The following MTSS1 variants were observed in gnomAD, a reference collection of about 807,000 sequenced individuals.
MTSS1 encodes the protein protein MTSS 1.
In MTSS1, 18 loss-of-function variants were observed where a neutral mutation model predicts 79.0. That is an observed-to-expected ratio of 0.23 (90% CI 0.16 to 0.34). The LOEUF (loss-of-function observed/expected upper bound fraction) is 0.34, where lower values mean the gene tolerates loss of function less well. Ranked by LOEUF, MTSS1 falls within the 10% of genes least tolerant of loss-of-function variation. MTSS1 has a pLI of 1.00. For missense variants in MTSS1, 815 were observed against 986.2 expected, an observed-to-expected ratio of 0.83 and a Z score of 2.33; for synonymous variants, 341 against 368.6, an observed-to-expected ratio of 0.93 and a Z score of 0.86.
intron 3 of MTSS1, among the ~76,000 whole-genome samples, chr8:124,684,760 C>G (rs1008361572): frequency 1.3e-5 from 2 of 152,088 alleles, no homozygotes; most frequent in African/African-American, 4.8e-5. Flanking sequence ...TATGGAGATG[C>G]TGGTAGATAA....
intron 3 of MTSS1, among the ~76,000 whole-genome samples, chr8:124,653,543 G>C (rs1386794108): frequency 6.6e-6 from 1 of 152,102 alleles, no homozygotes. Context: ...GACCAACATG[G>C]TGAAACCCCA....
chr8:124,686,301 T>C (rs1334646357), intron 3 of MTSS1, among the ~76,000 whole-genome samples: 1 of 151,844 alleles, frequency 6.6e-6, no homozygotes, highest in Non-Finnish European at 1.5e-5. Context: ...TTCACCCCAT[T>C]CCTATTCTCA....
chr8:124,712,179 A>G (rs1480775595), intron 1 of MTSS1, among the ~76,000 whole-genome samples: 1 of 152,134 alleles, frequency 6.6e-6, no homozygotes, highest in African/African-American at 2.4e-5. Flanking sequence ...TTCTTCTACC[A>G]GGAGATCAGT....
intron 6 of MTSS1, among the ~76,000 whole-genome samples, chr8:124,581,181 C>A (rs1279056905): frequency 6.6e-6 from 1 of 150,926 alleles, no homozygotes; most frequent in Non-Finnish European, 1.5e-5. Context: ...CTGCTGGGCG[C>A]AGTGGTGTGT....
At chr8:124,682,205 A>G (rs1826233543) in intron 3 of MTSS1, among the ~76,000 whole-genome samples, 1 of 149,030 alleles carries the variant, frequency 6.7e-6, no homozygotes, top group Admixed American at 6.8e-5. Flanking sequence ...ATTTTACGCT[A>G]AAGCCATTTT....
intron 5 of MTSS1, among the ~76,000 whole-genome samples, chr8:124,589,077 C>T (rs1217755016): frequency 6.6e-6 from 1 of 151,906 alleles, no homozygotes; most frequent in Non-Finnish European, 1.5e-5. Flanking sequence ...GTCGTCCAGG[C>T]TGGAGTACAA....
rs565486726 is a variant in MTSS1, at chr8:124,609,211, G to T, written c.209-17976C>A. 1.7e-4 allele frequency among the ~76,000 whole-genome samples: 26 copies of T among 152,300 alleles called. No homozygotes were observed. In the Middle Eastern group the frequency reaches 0.014, roughly 80 times the overall value. On this transcript the variant is annotated intron_variant, in intron 3 of 13. Transcript: ENST00000518547. ...CAGTTGCACCACTAAAGGACACAGG[G>T]TCTGCTGCTGGGACAGTCTCCTGCT...
chr8:124,611,113 C>T (rs551278716), intron 3 of MTSS1, among the ~76,000 whole-genome samples: 1 of 148,618 alleles, frequency 6.7e-6, no homozygotes, highest in Admixed American at 6.6e-5. Flanking sequence ...CAGACCCCCC[C>T]CCCCCAGCAT....
intron 6 of MTSS1, among the ~76,000 whole-genome samples, chr8:124,580,932 A>G (rs1392288512): frequency 6.6e-6 from 1 of 152,242 alleles, no homozygotes; most frequent in Non-Finnish European, 1.5e-5. Flanking sequence ...AATATCTAGG[A>G]AATTCCTAGG....
Position 124,562,865 on chromosome 8 carries a change from A to ACACGCTGGACAGC in MTSS1, c.939_951dup (p.Ser318AlafsTer8). ...GATATGAATCCTGAGTCATGGGAGG[A>ACACGCTGGACAGC]CACGCTGGACAGCCTCACAGGAGCC... On this transcript the variant is annotated frameshift_variant, in exon 10 of 14. Transcript: ENST00000518547. LOFTEE classifies it high-confidence loss of function. 1 of 1,614,132 alleles carries ACACGCTGGACAGC rather than the reference A, an allele frequency of 6.2e-7. No individual in the cohort carries two copies. Among genetic ancestry groups the ACACGCTGGACAGC allele is most frequent in the South Asian group, 1.1e-5 (1 of 91,086 alleles).
intron 6 of MTSS1, among the ~76,000 whole-genome samples, chr8:124,569,482 C>G (rs1231173827): frequency 6.6e-6 from 1 of 152,174 alleles, no homozygotes; most frequent in South Asian, 2.1e-4. Context: ...AAACATGGAC[C>G]AAGAGGCACT....
At chr8:124,636,704 A>G (rs1033919770) in intron 3 of MTSS1, among the ~76,000 whole-genome samples, 1 of 152,192 alleles carries the variant, frequency 6.6e-6, no homozygotes, top group African/African-American at 2.4e-5. Context: ...CAAGAGTCTC[A>G]AAGTCTTCCT....
Position 124,553,026 on chromosome 8 carries a change from G to A in MTSS1, c.2234C>T (p.Thr745Met), listed in dbSNP as rs147925237. The change falls in exon 14 of 14, where the codon ACG (threonine) becomes ATG (methionine). Residue 745 changes from threonine to methionine, a missense_variant. This residue lies in a region of MTSS1 where 590 missense variants were observed against 620.8 expected (regional missense o/e 0.95). Transcript: ENST00000518547. The surrounding 1 kb of genome is among the most constrained non-coding windows in gnomAD (Gnocchi z 6.0). Reference sequence around the variant, plus strand: ...GCGAGGGGCTGAGCGATCGTTTGTCGTGGTCTTCTTCAGTTTCACGCCCCT... The same window carrying A: ...GCGAGGGGCTGAGCGATCGTTTGTCATGGTCTTCTTCAGTTTCACGCCCCT... The part of the protein sequence containing the change: ...IRRGVKLKKT[T>M]TNDRSAPRFS 5.9e-5 allele frequency: 95 copies of A among 1,613,990 alleles called. No individual in the cohort carries two copies. Among genetic ancestry groups the A allele is most frequent in the East Asian group, 2.0e-4 (9 of 44,880 alleles).
chr8:124,661,204 C>T (rs1253296936), intron 3 of MTSS1, among the ~76,000 whole-genome samples: 2 of 152,154 alleles, frequency 1.3e-5, no homozygotes, highest in African/African-American at 4.8e-5. Flanking sequence ...TAATATTTAT[C>T]GTCTTTTTCC....
At chr8:124,619,296 G>C (rs1813002331) in intron 3 of MTSS1, 1 of 152,286 alleles carries the variant, frequency 6.6e-6, no homozygotes, top group Non-Finnish European at 1.5e-5. Context: ...CCACTGCTGG[G>C]ATGGTGCCCT....
intron 3 of MTSS1, among the ~76,000 whole-genome samples, chr8:124,659,124 C>T (rs1049789156): frequency 2.6e-5 from 4 of 152,074 alleles, no homozygotes; most frequent in Admixed American, 2.6e-4. Context: ...TACAAGAACT[C>T]AACACTAGTT....
At chr8:124,564,812 G>T (rs1199449137) in intron 9 of MTSS1, 1 of 152,176 alleles carries the variant, frequency 6.6e-6, no homozygotes, top group African/African-American at 2.4e-5. Flanking sequence ...TAAGTGTGTA[G>T]TGTACAAGCT....
chr8:124,687,806 T>C (rs758620961), intron 3 of MTSS1, among the ~76,000 whole-genome samples: 2 of 152,268 alleles, frequency 1.3e-5, no homozygotes, highest in Non-Finnish European at 2.9e-5. Context: ...AACTGTGCAC[T>C]GTCCTACTTC....
intron 3 of MTSS1, among the ~76,000 whole-genome samples, chr8:124,635,357 G>C (rs1444817782): frequency 2.6e-5 from 4 of 152,222 alleles, no homozygotes; most frequent in Non-Finnish European, 4.4e-5. Flanking sequence ...CTCTGGTTTG[G>C]TCATCCTTCA....
Sources: gnomAD v4.1 joint callset for allele counts (sites outside exome capture counted in the v4.1 genomes callset) on GRCh38, gnomAD v4.1.1 for gene constraint, gnomAD v4.1.1 regional missense constraint, Gnocchi (gnomAD v3.1) non-coding constraint, MANE v1.5 for transcripts, NCBI Gene and HGNC (gene_info 2026-07-23, HGNC 2026-07-21) for gene names.